CCDC102B: variants seen among roughly 807,000 people sequenced by gnomAD.
CCDC102B encodes the protein coiled-coil domain-containing protein 102B.
A neutral mutation model predicts 57.4 loss-of-function variants in CCDC102B; 75 were observed. The observed-to-expected ratio is 1.31, with a 90% confidence interval of 1.08 to 1.58. CCDC102B has a LOEUF of 1.58. Ranked by LOEUF, CCDC102B falls within the 40% of genes most tolerant of loss-of-function variation. The probability of loss-of-function intolerance (pLI) is 0.00; values close to 1 mark genes in which losing one functional copy is unlikely to be tolerated. For synonymous variants in CCDC102B, 206 were observed against 201.9 expected, an observed-to-expected ratio of 1.02 and a Z score of -0.17; for missense variants, 636 against 582.6, an observed-to-expected ratio of 1.09 and a Z score of -0.94.
At chr18:68,747,691 G>A (rs867582483) in intron 2 of CCDC102B, among the ~76,000 whole-genome samples, 3 of 152,036 alleles carry the variant, frequency 2.0e-5, no homozygotes, top group Admixed American at 1.3e-4. Context: ...GTCACATATG[G>A]CAGGACCTTC....
intron 2 of CCDC102B, among the ~76,000 whole-genome samples, chr18:68,731,632 ATAAT>A (rs2032867649): frequency 6.6e-6 from 1 of 151,100 alleles, no homozygotes; most frequent in Admixed American, 6.6e-5. Flanking sequence ...GTATACATAT[ATAAT>A]ATAATATAAA....
chr18:68,958,113 C>T (rs1053312784), intron 6 of CCDC102B, among the ~76,000 whole-genome samples: 7 of 152,102 alleles, frequency 4.6e-5, no homozygotes, highest in Admixed American at 3.9e-4. Context: ...ACTTTTTAAA[C>T]TATCAGGTCT....
chr18:68,805,989 G>C (rs950338981), intron 1 of CCDC102B, among the ~76,000 whole-genome samples: 3 of 152,064 alleles, frequency 2.0e-5, no homozygotes, highest in Admixed American at 2.0e-4. Context: ...CTGTATTAAA[G>C]AGCAATCTTC....
chr18:68,948,284 T>C (rs1361526892), intron 6 of CCDC102B, among the ~76,000 whole-genome samples: 2 of 152,108 alleles, frequency 1.3e-5, no homozygotes, highest in Non-Finnish European at 2.9e-5. Context: ...CTTTTATTTT[T>C]CTTTTAGATA....
chr18:68,979,121 T>C (rs961461961), intron 6 of CCDC102B, among the ~76,000 whole-genome samples: 1 of 151,924 alleles, frequency 6.6e-6, no homozygotes, highest in Non-Finnish European at 1.5e-5. Flanking sequence ...AAGTGGGAGG[T>C]GGGTCCGCAG....
rs115998466 is a variant in CCDC102B at position 68,784,096 on chromosome 18, A to T, written c.-66-39270A>T. Among the ~76,000 whole-genome samples, 1,007 of 152,272 alleles carry T rather than the reference A, an allele frequency of 6.6e-3. 11 individuals carry two copies. Among genetic ancestry groups the T allele is most frequent in the African/African-American group, 0.022 (904 of 41,556 alleles). On this transcript the variant is annotated intron_variant, in intron 2 of 3. Transcript: ENST00000578970. ...CTCTAAATATTCAGTATTTGTTAAG[A>T]GCCATTGTATTAGTACATTCTGGCA...
downstream of CCDC102B, among the ~76,000 whole-genome samples, chr18:69,056,976 A>G (rs1568155606): frequency 6.6e-6 from 1 of 152,016 alleles, no homozygotes; most frequent in South Asian, 2.1e-4. Context: ...ATGGAATCAT[A>G]TAGTATTTTA....
intron 7 of CCDC102B, among the ~76,000 whole-genome samples, chr18:69,026,870 T>G (rs188348289): frequency 3.3e-5 from 5 of 152,282 alleles, no homozygotes; most frequent in Admixed American, 2.6e-4. Flanking sequence ...GAGAATACGT[T>G]TATAAAAATA....
In CCDC102B at chr18:68,838,800, A is replaced by G; in HGVS notation, c.701A>G (p.Asn234Ser). ...TTATTCAACAATGGTGGTTCTGGAA[A>G]CGGTGAAACGAAAACTGGGCTGAGA... ...VDLFNNGGSG[N>S]GETKTGLRLK... Residue 234 changes from asparagine (N) to serine (S), a missense_variant, in exon 3 of 8, where the codon AAC (asparagine) becomes AGC (serine). Asn to Ser is a conservative substitution (Grantham distance 46, BLOSUM62 1). Coordinates refer to ENST00000360242, the MANE Select transcript of CCDC102B (RefSeq NM_024781.3). The G allele has an allele frequency of 6.2e-7, 1 of 1,614,066 alleles. No homozygotes were observed. The highest frequency in any genetic ancestry group is 8.5e-7 in the Non-Finnish European group (1 of 1,179,968).
At chr18:68,920,400 G>T (rs915181003) in intron 6 of CCDC102B, among the ~76,000 whole-genome samples, 1 of 152,054 alleles carries the variant, frequency 6.6e-6, no homozygotes, top group African/African-American at 2.4e-5. Flanking sequence ...TGGCAAACCT[G>T]GAAAATTATT....
chr18:68,765,682 G>T (rs73456139), intron 2 of CCDC102B, among the ~76,000 whole-genome samples: 3,686 of 152,140 alleles, frequency 0.024, 141 homozygotes, highest in African/African-American at 0.084. Context: ...AATTGACATT[G>T]GAAAAAGTGG....
At chr18:69,003,745 T>C (rs141818784) in intron 6 of CCDC102B, among the ~76,000 whole-genome samples, 77 of 152,382 alleles carry the variant, frequency 5.1e-4, no homozygotes, top group African/African-American at 1.5e-3. Flanking sequence ...GTTGCTTTTA[T>C]ATGTGCTTTT....
chr18:68,750,051 C>T (rs2033786165), intron 2 of CCDC102B, among the ~76,000 whole-genome samples: 1 of 152,078 alleles, frequency 6.6e-6, no homozygotes, highest in Non-Finnish European at 1.5e-5. Flanking sequence ...GGCTAATATC[C>T]AGAATCTACA....
At position 69,018,241 on chromosome 18, in the gene CCDC102B, G is replaced by C. The variant is rs932738185; in HGVS notation, c.1434+7137G>C. 3.3e-5 allele frequency among the ~76,000 whole-genome samples: 5 copies of C among 152,278 alleles called. No individual in the cohort carries two copies. The South Asian group carries it at 1.0e-3, about 32-fold the overall frequency. ...ACACACATGCGTATATACACAACGT[G>C]TGTATACACATATGCACATATATAC... On this transcript the variant is annotated intron_variant, in intron 7 of 7. Coordinates refer to ENST00000360242, the MANE Select transcript of CCDC102B (RefSeq NM_024781.3).
chr18:69,019,729 C>T (rs895249758), intron 7 of CCDC102B, among the ~76,000 whole-genome samples: 1 of 152,080 alleles, frequency 6.6e-6, no homozygotes, highest in African/African-American at 2.4e-5. Context: ...TCTTTTGCCT[C>T]AGTTGCTTTT....
chr18:68,753,242 A>G (rs1348153620), intron 2 of CCDC102B: 2 of 152,158 alleles, frequency 1.3e-5, no homozygotes, highest in East Asian at 1.9e-4. Context: ...CATATTTACT[A>G]TGTCAATTCT....
chr18:68,828,573 AC>A (rs1436240961), intron 1 of CCDC102B, among the ~76,000 whole-genome samples: 1 of 151,716 alleles, frequency 6.6e-6, no homozygotes, highest in African/African-American at 2.4e-5. Flanking sequence ...TATTTGAAAG[AC>A]AGCTAAAGTA....
At chr18:68,823,665 C>A (rs1056745584) in intron 1 of CCDC102B, among the ~76,000 whole-genome samples, 1 of 152,090 alleles carries the variant, frequency 6.6e-6, no homozygotes, top group Non-Finnish European at 1.5e-5. Flanking sequence ...TAATTTACAC[C>A]CCCAGCAATA....
At chr18:69,000,510 G>A (rs537764381) in intron 6 of CCDC102B, among the ~76,000 whole-genome samples, 26 of 152,156 alleles carry the variant, frequency 1.7e-4, no homozygotes, top group African/African-American at 6.0e-4. Context: ...ATATATGAAT[G>A]CCTTAGTCCC....
Sources: gnomAD v4.1 joint callset for allele counts (sites outside exome capture counted in the v4.1 genomes callset) on GRCh38, gnomAD v4.1.1 for gene constraint, MANE v1.5 for transcripts, NCBI Gene and HGNC (gene_info 2026-07-23, HGNC 2026-07-21) for gene names.